ROCK2: variants seen among roughly 807,000 people sequenced by gnomAD.
The protein encoded by ROCK2 is rho-associated protein kinase 2.
A neutral mutation model predicts 195.1 loss-of-function variants in ROCK2; 61 were observed. The ratio of observed to expected loss-of-function variants is 0.31; its 90% CI spans 0.25 to 0.39. ROCK2 has a LOEUF of 0.39. Among genes scored for constraint, ROCK2 ranks in the 10% least tolerant of loss-of-function variants. The pLI is 1.00. For missense variants in ROCK2, 1,109 were observed against 1,637.4 expected (o/e 0.68, Z 5.57); for synonymous variants, 504 against 545.5 (o/e 0.92, Z 1.06).
chr2:11,200,893 T>C, intron 23 of ROCK2, 64 bp downstream of exon 23: 1 of 1,403,086 alleles, frequency 7.1e-7, no homozygotes, highest in Non-Finnish European at 9.7e-7. Flanking sequence ...TTAGTATGTC[T>C]AAAGAAGGTT....
chr2:11,226,162 G>A (rs1664804536), intron 6 of ROCK2, among the ~76,000 whole-genome samples: 1 of 152,056 alleles, frequency 6.6e-6, no homozygotes, highest in South Asian at 2.1e-4. Flanking sequence ...CTTGGAAAGT[G>A]GATTTAACTA....
intron 3 of ROCK2, among the ~76,000 whole-genome samples, chr2:11,269,305 A>C (rs112329701): frequency 1.9e-4 from 29 of 152,010 alleles, no homozygotes; most frequent in African/African-American, 6.5e-4. Flanking sequence ...TGAGATCAGG[A>C]GTTTGAGACC....
intron 1 of ROCK2, among the ~76,000 whole-genome samples, chr2:11,332,292 A>G (rs1668792857): frequency 6.6e-6 from 1 of 152,240 alleles, no homozygotes; most frequent in African/African-American, 2.4e-5. Flanking sequence ...AACACTTATC[A>G]GTAGGATAAT....
intron 3 of ROCK2, among the ~76,000 whole-genome samples, chr2:11,270,005 T>C (rs1335468981): frequency 2.6e-5 from 4 of 152,204 alleles, no homozygotes; most frequent in African/African-American, 9.6e-5. Context: ...CCTTCCACCT[T>C]GGCCTCCCAA....
intron 1 of ROCK2, among the ~76,000 whole-genome samples, chr2:11,314,191 A>AATTTGTATTTC (rs1668121798): frequency 6.6e-6 from 1 of 151,992 alleles, no homozygotes; most frequent in Non-Finnish European, 1.5e-5. Flanking sequence ...ATTTGCAGTC[A>AATTTGTATTTC]ACAATTTGTA....
intron 9 of ROCK2, 58 bp downstream of exon 9, chr2:11,221,140 A>G: frequency 7.6e-7 from 1 of 1,309,804 alleles, no homozygotes; most frequent in Non-Finnish European, 1.0e-6. Flanking sequence ...AAAATAACAC[A>G]TCATCTTATA....
chr2:11,181,913 G>C lies in ROCK2; in HGVS notation c.*1524C>G, dbSNP rs1315176209. 1 of 151,758 alleles carries C rather than the reference G, an allele frequency of 6.6e-6. No individual in the cohort carries two copies. The highest frequency in any genetic ancestry group is 6.6e-5 in the Admixed American group (1 of 15,218). 9.4% of individuals were successfully genotyped at this position (151,758 alleles called of 1,614,324 possible). A position where few individuals can be genotyped will look rare whatever the true frequency, so the allele number is the denominator to read the frequency against. ...CTCCCAAAGTGCTAGGATTACAGGCGTAAGCCACCATGCCTGGCCAGATGA... is the reference window on the plus strand; with the variant it reads ...CTCCCAAAGTGCTAGGATTACAGGCCTAAGCCACCATGCCTGGCCAGATGA... On this transcript the variant is annotated 3_prime_UTR_variant, in exon 33 of 33. Transcript: ENST00000315872.
Position 11,224,473 on chromosome 2 carries a change from G to C in ROCK2, c.869-13C>G. ...AATGGAGTATCCCCTAAAATTTCAA[G>C]AAAGAAGATACTGAATGTAACAGAG... On this transcript the variant is annotated splice_polypyrimidine_tract_variant and intron_variant, in intron 6 of 32. Transcript: ENST00000315872. The C allele has an allele frequency of 6.2e-7, 1 of 1,608,474 alleles. No homozygotes were observed.
chr2:11,308,193 GAAGA>G, intron 1 of ROCK2: 3 of 1,589,682 alleles, frequency 1.9e-6, no homozygotes, highest in East Asian at 2.2e-5. Flanking sequence ...TGAATTCACA[GAAGA>G]AAGAAAACCA....
chr2:11,283,454 G>A (rs574651221), intron 3 of ROCK2, among the ~76,000 whole-genome samples: 7 of 149,700 alleles, frequency 4.7e-5, no homozygotes, highest in South Asian at 2.1e-4. Context: ...CCAGCTACTC[G>A]GGAGGCTGAG....
At chr2:11,322,543 C>T (rs1668433548) in intron 1 of ROCK2, among the ~76,000 whole-genome samples, 2 of 151,980 alleles carry the variant, frequency 1.3e-5, no homozygotes, top group Non-Finnish European at 1.5e-5. Context: ...ATGGTGACTG[C>T]CACCATTCTT....
intron 3 of ROCK2, among the ~76,000 whole-genome samples, chr2:11,274,469 A>G (rs1015428075): frequency 1.3e-5 from 2 of 152,236 alleles, no homozygotes; most frequent in Admixed American, 6.5e-5. Context: ...AATGATTAAG[A>G]GAGTACTCTG....
At chr2:11,244,846 T>C (rs1665556285) in intron 4 of ROCK2, among the ~76,000 whole-genome samples, 1 of 152,166 alleles carries the variant, frequency 6.6e-6, no homozygotes, top group South Asian at 2.1e-4. Context: ...GAATAGTTTA[T>C]ATTTTATATA....
At chr2:11,327,894 T>C (rs1020968137) in intron 1 of ROCK2, among the ~76,000 whole-genome samples, 2 of 152,220 alleles carry the variant, frequency 1.3e-5, no homozygotes, top group Admixed American at 6.5e-5. Flanking sequence ...CATATGTTAC[T>C]TTTGTAATTT....
intron 1 of ROCK2, among the ~76,000 whole-genome samples, chr2:11,304,272 A>C (rs189143652): frequency 4.6e-5 from 7 of 152,198 alleles, no homozygotes; most frequent in Admixed American, 1.3e-4. Flanking sequence ...ACTATGCCCT[A>C]CCCCTTCCTT....
chr2:11,295,423 C>CA (rs1020865366), intron 1 of ROCK2, among the ~76,000 whole-genome samples: 1,461 of 138,304 alleles, frequency 0.011, 22 homozygotes, highest in African/African-American at 0.035. Flanking sequence ...GACTTTAGGG[C>CA]AAAAAAAAAA....
chr2:11,221,959 A>T (rs1191963986), intron 8 of ROCK2, 124 bp downstream of exon 8: 1 of 588,900 alleles, frequency 1.7e-6, no homozygotes, highest in East Asian at 2.7e-5. Context: ...TTGAAATGAA[A>T]TTTCTCAATT....
intron 32 of ROCK2, among the ~76,000 whole-genome samples, chr2:11,190,293 C>T (rs960792222): frequency 6.6e-6 from 1 of 151,148 alleles, no homozygotes; most frequent in Non-Finnish European, 1.5e-5. Context: ...TACTACTTAC[C>T]GTTGCTATGA....
At chr2:11,256,305 C>T (rs1007172977) in intron 3 of ROCK2, among the ~76,000 whole-genome samples, 2 of 151,156 alleles carry the variant, frequency 1.3e-5, no homozygotes, top group African/African-American at 4.9e-5. Flanking sequence ...TGTTGTTCTC[C>T]TGATAGTGAG....
Sources: gnomAD v4.1 joint callset for allele counts (sites outside exome capture counted in the v4.1 genomes callset) on GRCh38, gnomAD v4.1.1 for gene constraint, MANE v1.5 for transcripts, NCBI Gene and HGNC (gene_info 2026-07-23, HGNC 2026-07-21) for gene names.